IMMP2L: variants seen among roughly 807,000 people sequenced by gnomAD.
IMMP2L encodes the protein mitochondrial inner membrane protease subunit 2.
IMMP2L carries 18 observed loss-of-function variants against 19.3 expected under a neutral mutation model. That is an observed-to-expected ratio of 0.93 (90% CI 0.64 to 1.38). The LOEUF (loss-of-function observed/expected upper bound fraction) is 1.38. Ranked by LOEUF, IMMP2L falls within the 40% of genes most tolerant of loss-of-function variation. The pLI is 0.00. For synonymous variants in IMMP2L, 76 were observed against 73.0 expected (o/e 1.04, Z -0.21); for missense variants, 233 against 218.2 (o/e 1.07, Z -0.43).
intron 3 of IMMP2L, among the ~76,000 whole-genome samples, chr7:111,080,851 T>C (rs1795832317): frequency 6.6e-6 from 1 of 152,120 alleles, no homozygotes; most frequent in South Asian, 2.1e-4. Context: ...CAAATATATA[T>C]CCATTTTACA....
intron 4 of IMMP2L, among the ~76,000 whole-genome samples, chr7:110,887,813 G>C (rs1040303149): frequency 4.0e-5 from 6 of 151,396 alleles, no homozygotes; most frequent in African/African-American, 1.5e-4. Flanking sequence ...TTCTCAGTAA[G>C]TGTTGGCTGA....
intron 3 of IMMP2L, among the ~76,000 whole-genome samples, chr7:111,271,440 T>G (rs1818460445): frequency 6.6e-6 from 1 of 152,100 alleles, no homozygotes; most frequent in African/African-American, 2.4e-5. Flanking sequence ...TAAATTACAC[T>G]TATGCCCTCA....
chr7:110,747,040 A>G (rs546697763), intron 5 of IMMP2L, among the ~76,000 whole-genome samples: 1 of 152,320 alleles, frequency 6.6e-6, no homozygotes, highest in South Asian at 2.1e-4. Context: ...AGAAGAATCA[A>G]ATAGATGCAA....
chr7:110,925,640 A>T lies in IMMP2L; in HGVS notation c.305+37860T>A, dbSNP rs117869611. ...ATGAAAGAACATTAAAAAGTTGGTG[A>T]ATTTGGCTATTAAGTAGTCCATGTA... On this transcript the variant is annotated intron_variant, in intron 4 of 5. Coordinates refer to ENST00000405709, the MANE Select transcript of IMMP2L (RefSeq NM_032549.4). 3.9e-3 allele frequency among the ~76,000 whole-genome samples: 601 copies of T among 152,160 alleles called. 2 individuals are homozygous for T. Among genetic ancestry groups the T allele is most frequent in the Non-Finnish European group, 6.0e-3 (409 of 67,986 alleles).
chr7:111,124,655 C>G, intron 3 of IMMP2L: 2 of 1,613,902 alleles, frequency 1.2e-6, no homozygotes, highest in Non-Finnish European at 1.7e-6. Context: ...AATACCACAA[C>G]ACTTATGGCC....
intron 3 of IMMP2L, among the ~76,000 whole-genome samples, chr7:111,309,281 C>G (rs1799027219): frequency 6.6e-6 from 1 of 151,958 alleles, no homozygotes; most frequent in Admixed American, 6.6e-5. Flanking sequence ...GAATTCTATG[C>G]CAGGCAATTA....
chr7:111,547,514 C>T (rs929183258), intron 1 of IMMP2L, among the ~76,000 whole-genome samples: 2 of 150,486 alleles, frequency 1.3e-5, no homozygotes, highest in East Asian at 3.9e-4. Flanking sequence ...TACCCCCCCC[C>T]CCTTTTTATC....
chr7:111,053,418 C>A (rs1793197042), intron 3 of IMMP2L, among the ~76,000 whole-genome samples: 1 of 152,152 alleles, frequency 6.6e-6, no homozygotes, highest in African/African-American at 2.4e-5. Flanking sequence ...TGGTCATATA[C>A]CAGTTAAACT....
chr7:111,222,908 T>A (rs1812673444), intron 3 of IMMP2L, among the ~76,000 whole-genome samples: 1 of 151,876 alleles, frequency 6.6e-6, no homozygotes, highest in Non-Finnish European at 1.5e-5. Context: ...ATAGCAAGAA[T>A]TGAAAAGAAC....
intron 3 of IMMP2L, among the ~76,000 whole-genome samples, chr7:110,990,392 G>A (rs1822329948): frequency 6.6e-6 from 1 of 152,070 alleles, no homozygotes; most frequent in African/African-American, 2.4e-5. Flanking sequence ...GATCACAGAA[G>A]GACACATTTT....
At chr7:110,689,088 T>C (rs1793317913) in intron 5 of IMMP2L, among the ~76,000 whole-genome samples, 2 of 151,556 alleles carry the variant, frequency 1.3e-5, no homozygotes, top group Non-Finnish European at 2.9e-5. Context: ...TTTGTGGGTG[T>C]CATCCTGGGC....
At chr7:110,829,603 CA>C (rs1053261910) in intron 5 of IMMP2L, among the ~76,000 whole-genome samples, 1 of 151,598 alleles carries the variant, frequency 6.6e-6, no homozygotes, top group Non-Finnish European at 1.5e-5. Context: ...AACAAAAAAA[CA>C]AAAAAAGAGA....
Position 111,412,470 on chromosome 7 carries a change from C to T in IMMP2L, c.239+74768G>A, listed in dbSNP as rs566674560. Among the ~76,000 whole-genome samples the T allele has an allele frequency of 2.4e-4, 36 of 151,696 alleles. No homozygotes were observed. In the East Asian group the frequency reaches 4.1e-3, roughly 17 times the overall value. On this transcript the variant is annotated intron_variant, in intron 3 of 5. Coordinates refer to ENST00000405709, the MANE Select transcript of IMMP2L (RefSeq NM_032549.4). Reference sequence around the variant, plus strand: ...TTCTTTGATCACAAAGGAGTTAAAACGGAAATCAATTAAGGAACAAGTCCT... The same window carrying T: ...TTCTTTGATCACAAAGGAGTTAAAATGGAAATCAATTAAGGAACAAGTCCT...
At chr7:111,256,609 A>G (rs1816724721) in intron 3 of IMMP2L, among the ~76,000 whole-genome samples, 1 of 152,084 alleles carries the variant, frequency 6.6e-6, no homozygotes, top group East Asian at 1.9e-4. Context: ...GATTTTCACT[A>G]TATGTCCATT....
At chr7:111,479,648 ATATAATATTTAACG>A (rs1842011372) in intron 3 of IMMP2L, among the ~76,000 whole-genome samples, 1 of 152,110 alleles carries the variant, frequency 6.6e-6, no homozygotes, top group African/African-American at 2.4e-5. Context: ...GACTCCTTAC[ATATAATATTTAACG>A]TGTATTTGGG....
At chr7:110,976,451 T>C (rs1019039519) in intron 3 of IMMP2L, among the ~76,000 whole-genome samples, 20 of 152,210 alleles carry the variant, frequency 1.3e-4, no homozygotes, top group African/African-American at 4.8e-4. Flanking sequence ...ATTTTCATGA[T>C]TTACACTAGT....
At chr7:110,791,418 C>G (rs1391010034) in intron 5 of IMMP2L, among the ~76,000 whole-genome samples, 1 of 151,574 alleles carries the variant, frequency 6.6e-6, no homozygotes, top group Non-Finnish European at 1.5e-5. Context: ...AGGGATTTTT[C>G]TTACCCTCTC....
chr7:111,054,839 T>C (rs1483902978), intron 3 of IMMP2L, among the ~76,000 whole-genome samples: 1 of 152,176 alleles, frequency 6.6e-6, no homozygotes, highest in East Asian at 1.9e-4. Context: ...GTCTTCCCGA[T>C]GTGATAAATT....
intron 3 of IMMP2L, among the ~76,000 whole-genome samples, chr7:111,200,022 G>A (rs1165013229): frequency 6.6e-6 from 1 of 151,878 alleles, no homozygotes; most frequent in Non-Finnish European, 1.5e-5. Flanking sequence ...CAACTCTCAG[G>A]TTTCAATTTT....
Sources: allele counts gnomAD v4.1 joint callset (sites outside exome capture counted in the v4.1 genomes callset), GRCh38; gene constraint gnomAD v4.1.1; transcripts MANE v1.5; gene names NCBI Gene and HGNC (gene_info 2026-07-23, HGNC 2026-07-21).